Variants in HMCN1 observed in about 807,000 individuals in gnomAD.
The protein encoded by HMCN1 is hemicentin-1.
In HMCN1, 321 loss-of-function variants were observed where a neutral mutation model predicts 625.9. That is an observed-to-expected ratio of 0.51 (90% confidence interval 0.47 to 0.56). The LOEUF (loss-of-function observed/expected upper bound fraction) is 0.56. Ranked by LOEUF, HMCN1 falls within the 20% of genes least tolerant of loss-of-function variation. HMCN1 has a pLI of 0.00. For synonymous variants in HMCN1, 2,425 were observed against 2,417.6 expected, an observed-to-expected ratio of 1.00 and a Z score of -0.09; for missense variants, 6,588 against 6,887.3, an observed-to-expected ratio of 0.96 and a Z score of 1.54.
intron 4 of HMCN1, among the ~76,000 whole-genome samples, chr1:185,880,215 G>A (rs975871292): frequency 3.9e-5 from 6 of 152,090 alleles, no homozygotes; most frequent in African/African-American, 9.7e-5. Context: ...CATTGGAATG[G>A]ACATTTTGGA....
intron 57 of HMCN1, among the ~76,000 whole-genome samples, chr1:186,084,103 C>A (rs12058256): frequency 6.6e-6 from 1 of 151,900 alleles, no homozygotes; most frequent in African/African-American, 2.4e-5. Flanking sequence ...TGTAAATACC[C>A]CAATTGTAGC....
chr1:185,949,545 C>T (rs554633938), intron 11 of HMCN1, among the ~76,000 whole-genome samples: 2 of 151,848 alleles, frequency 1.3e-5, no homozygotes, highest in African/African-American at 2.4e-5. Flanking sequence ...GACGGAGGAC[C>T]GTAAGGGATA....
chr1:186,038,700 T>A, intron 37 of HMCN1, 129 bp from the exon 38 acceptor site: 2 of 668,784 alleles, frequency 3.0e-6, no homozygotes, highest in South Asian at 3.7e-5. Flanking sequence ...AAAGAGATGA[T>A]TATGTAAACA....
intron 78 of HMCN1, 84 bp downstream of exon 78, chr1:186,119,382 C>T (rs1661287891): frequency 1.0e-6 from 1 of 968,986 alleles, no homozygotes; most frequent in Non-Finnish European, 1.7e-6. Flanking sequence ...GTGGTAGGTA[C>T]TGTCGAGAGC....
intron 104 of HMCN1, among the ~76,000 whole-genome samples, chr1:186,179,786 C>A (rs1652828524): frequency 6.6e-6 from 1 of 151,676 alleles, no homozygotes; most frequent in Non-Finnish European, 1.5e-5. Flanking sequence ...CTTTTTCTAC[C>A]CTTGCCCAAG....
At chr1:185,983,381 G>T (rs989181832) in intron 18 of HMCN1, among the ~76,000 whole-genome samples, 1 of 152,016 alleles carries the variant, frequency 6.6e-6, no homozygotes, top group South Asian at 2.1e-4. Context: ...AGCCGAGATC[G>T]TGCCACTGCA....
chr1:185,829,357 TG>T (rs1175544771), intron 1 of HMCN1, among the ~76,000 whole-genome samples: 56 of 151,886 alleles, frequency 3.7e-4, no homozygotes, highest in Admixed American at 1.3e-4. Context: ...ACATGCGCCA[TG>T]GTGGTTTGCT....
chr1:185,901,321 T>C (rs1047923929), intron 4 of HMCN1, among the ~76,000 whole-genome samples: 1 of 151,818 alleles, frequency 6.6e-6, no homozygotes, highest in Non-Finnish European at 1.5e-5. Context: ...CTTCTTCCCT[T>C]CCTTATTTCC....
chr1:185,855,058 G>C (rs1361905405), intron 2 of HMCN1, among the ~76,000 whole-genome samples: 3 of 152,146 alleles, frequency 2.0e-5, no homozygotes, highest in Non-Finnish European at 4.4e-5. Flanking sequence ...TCATAAGAGA[G>C]GAAGAACTGG....
chr1:186,083,063 C>A, intron 57 of HMCN1, 102 bp downstream of exon 57: 3 of 571,124 alleles, frequency 5.3e-6, no homozygotes, highest in Admixed American at 2.9e-5. Flanking sequence ...TTAACTTAAA[C>A]AATGTGAGGA....
intron 50 of HMCN1, 148 bp from the exon 51 acceptor site, chr1:186,069,515 G>A (rs1658350798): frequency 2.9e-6 from 2 of 684,484 alleles, no homozygotes; most frequent in South Asian, 3.1e-5. Context: ...CATCAGTATT[G>A]CAGTTTATCT....
chr1:185,986,820 C>T (rs1030867879), intron 19 of HMCN1, among the ~76,000 whole-genome samples: 1 of 133,022 alleles, frequency 7.5e-6, no homozygotes, highest in African/African-American at 3.0e-5. Context: ...CAGCAAGACC[C>T]TGTCTCAAAA....
rs1294252868 is a variant in HMCN1 at position 185,997,471 on chromosome 1, C to T, written c.3821C>T (p.Thr1274Ile). Reference protein sequence around the residue: ...VEDLEPPYNTTFQERVANQRI... With the variant: ...VEDLEPPYNTIFQERVANQRI... ...GATCTAGAACCTCCATATAACACTACTTTCCAAGAAAGAGTGGCCAATCAA... is the reference window on the plus strand; with the variant it reads ...GATCTAGAACCTCCATATAACACTATTTTCCAAGAAAGAGTGGCCAATCAA... The change falls in exon 25 of 107, where the codon ACT becomes ATT. Residue 1274 changes from threonine to isoleucine, a missense_variant. Thr to Ile is a moderately conservative substitution (Grantham distance 89). Transcript: ENST00000271588. 5.0e-6 allele frequency: 8 copies of T among 1,612,808 alleles called. No homozygotes were observed. The highest frequency in any genetic ancestry group is 6.8e-6 in the Non-Finnish European group (8 of 1,179,226).
At chr1:185,902,405 C>CTATCTCTGTCTATCTA (rs903275348) in intron 4 of HMCN1, among the ~76,000 whole-genome samples, 1 of 145,358 alleles carries the variant, frequency 6.9e-6, no homozygotes, top group African/African-American at 2.6e-5. Flanking sequence ...ATCTATCTAT[C>CTATCTCTGTCTATCTA]TCTATCTATC....
chr1:186,090,930 A>G lies in HMCN1; in HGVS notation c.9887+13A>G. ...CAGAAAGAATCCGGTATGTTTAAAA[A>G]TAATCTTTCCATTATAAATTGTAAG... On this transcript the variant is annotated intron_variant, in intron 64 of 106. Transcript: ENST00000271588. 1 of 1,609,994 alleles carries G rather than the reference A, an allele frequency of 6.2e-7. No individual in the cohort carries two copies. The highest frequency in any genetic ancestry group is 8.5e-7 in the Non-Finnish European group (1 of 1,176,830).
intron 1 of HMCN1, among the ~76,000 whole-genome samples, chr1:185,769,749 G>C (rs922858801): frequency 1.3e-5 from 2 of 152,160 alleles, no homozygotes; most frequent in Non-Finnish European, 1.5e-5. Context: ...ACTGATGCCT[G>C]TGTGATAAGC....
intron 16 of HMCN1, among the ~76,000 whole-genome samples, chr1:185,979,319 C>T (rs902466347): frequency 2.0e-5 from 3 of 151,878 alleles, no homozygotes; most frequent in Non-Finnish European, 2.9e-5. Context: ...AGAACAACAC[C>T]GCTACAAGAT....
intron 11 of HMCN1, among the ~76,000 whole-genome samples, chr1:185,959,808 C>T (rs988022995): frequency 6.6e-6 from 1 of 152,094 alleles, no homozygotes; most frequent in Non-Finnish European, 1.5e-5. Flanking sequence ...TGGGGTTTTA[C>T]ATTGCAAATA....
At chr1:186,000,542 GGTGTGTGTGTGTGTGTATGT>G (rs889328840) in intron 26 of HMCN1, among the ~76,000 whole-genome samples, 34 of 127,152 alleles carry the variant, frequency 2.7e-4, no homozygotes, top group Non-Finnish European at 4.4e-4. Context: ...CAGCGTGTAG[GGTGTGTGTGTGTGTGTATGT>G]GTGTGTGTGT....
Sources: gnomAD v4.1 joint callset for allele counts (sites outside exome capture counted in the v4.1 genomes callset) on GRCh38, gnomAD v4.1.1 for gene constraint, MANE v1.5 for transcripts, NCBI Gene and HGNC (gene_info 2026-07-23, HGNC 2026-07-21) for gene names.